The following CDH13 variants were observed in gnomAD, a reference collection of about 807,000 sequenced individuals.
CDH13 encodes cadherin 13.
A neutral mutation model predicts 63.8 loss-of-function variants in CDH13; 24 were observed. The ratio of observed to expected loss-of-function variants is 0.38; its 90% CI spans 0.27 to 0.53. The LOEUF (loss-of-function observed/expected upper bound fraction) is 0.53, where lower values mean the gene tolerates loss of function less well. Among genes scored for constraint, CDH13 ranks in the 20% least tolerant of loss-of-function variants. CDH13 has a pLI of 0.85. For missense variants in CDH13, 1,049 were observed against 903.1 expected, an observed-to-expected ratio of 1.16 and a Z score of -2.07; for synonymous variants, 503 against 355.3, an observed-to-expected ratio of 1.42 and a Z score of -4.67.
intron 1 of CDH13, among the ~76,000 whole-genome samples, chr16:82,846,170 G>A (rs2039247418): frequency 6.6e-6 from 1 of 152,154 alleles, no homozygotes; most frequent in Admixed American, 6.5e-5. Flanking sequence ...CTTCTGCGTG[G>A]AGCCTTTGTT....
chr16:82,739,252 A>G (rs2151050361), intron 1 of CDH13, among the ~76,000 whole-genome samples: 1 of 152,310 alleles, frequency 6.6e-6, no homozygotes, highest in East Asian at 1.9e-4. Flanking sequence ...TTTTCAGATG[A>G]TATGCCCTTA....
chr16:83,341,989 C>CA (rs2090733078), intron 5 of CDH13, among the ~76,000 whole-genome samples: 1 of 138,072 alleles, frequency 7.2e-6, no homozygotes, highest in Non-Finnish European at 1.6e-5. Flanking sequence ...GTGTCCCCTG[C>CA]CACACACACA....
chr16:83,511,912 A>G (rs931904482), intron 7 of CDH13, among the ~76,000 whole-genome samples: 2 of 152,176 alleles, frequency 1.3e-5, no homozygotes, highest in Non-Finnish European at 2.9e-5. Context: ...CATACCCTCG[A>G]AAGGGGCTCA....
At chr16:82,848,096 G>T (rs553008472) in intron 1 of CDH13, among the ~76,000 whole-genome samples, 2 of 152,296 alleles carry the variant, frequency 1.3e-5, no homozygotes, top group South Asian at 2.1e-4. Flanking sequence ...TGGAGGTTTT[G>T]TAACAATGAA....
chr16:82,828,232 C>T (rs1046082854), intron 1 of CDH13, among the ~76,000 whole-genome samples: 1 of 152,226 alleles, frequency 6.6e-6, no homozygotes, highest in Admixed American at 6.5e-5. Context: ...AGCATTGCCT[C>T]TGCCATGAAG....
At chr16:83,501,772 A>C (rs996532770) in intron 7 of CDH13, among the ~76,000 whole-genome samples, 2 of 152,216 alleles carry the variant, frequency 1.3e-5, no homozygotes, top group East Asian at 3.8e-4. Flanking sequence ...AAAGCACGGG[A>C]CATATTGATG....
At chr16:82,662,607 G>A (rs904665266) in intron 1 of CDH13, among the ~76,000 whole-genome samples, 1 of 152,198 alleles carries the variant, frequency 6.6e-6, no homozygotes. Context: ...GGCATACCCT[G>A]CTTTTCCTGA....
At chr16:83,706,920 G>C (rs1276024436) in intron 10 of CDH13, among the ~76,000 whole-genome samples, 2 of 88,368 alleles carry the variant, frequency 2.3e-5, no homozygotes, top group Non-Finnish European at 4.9e-5. Flanking sequence ...GGCCTGTCTT[G>C]AGTCGGACTC....
intron 4 of CDH13, among the ~76,000 whole-genome samples, chr16:83,145,703 A>C (rs1449179420): frequency 1.3e-5 from 2 of 152,182 alleles, no homozygotes; most frequent in Non-Finnish European, 2.9e-5. Context: ...TTCCTCATTC[A>C]GTCTCTCAAT....
At chr16:83,518,321 T>C (rs1211776869) in intron 7 of CDH13, among the ~76,000 whole-genome samples, 1 of 151,192 alleles carries the variant, frequency 6.6e-6, no homozygotes, top group Non-Finnish European at 1.5e-5. Context: ...TTTTTTTGTA[T>C]TTTTTAGTAG....
At chr16:83,785,799 T>C (rs1915840227) in intron 13 of CDH13, among the ~76,000 whole-genome samples, 1 of 152,166 alleles carries the variant, frequency 6.6e-6, no homozygotes, top group Non-Finnish European at 1.5e-5. Flanking sequence ...GAAGGGCAGC[T>C]TAGACATTTG....
chr16:83,255,332 A>G (rs997279956), intron 5 of CDH13, among the ~76,000 whole-genome samples: 1 of 152,178 alleles, frequency 6.6e-6, no homozygotes, highest in Admixed American at 6.5e-5. Flanking sequence ...GGTTTGAACT[A>G]CGGCTGGTTG....
rs541508735 is a variant in CDH13 at position 83,643,589 on chromosome 16, A to G, written c.1102-27201A>G. On this transcript the variant is annotated intron_variant, in intron 8 of 13. Coordinates refer to ENST00000567109, the MANE Select transcript of CDH13 (RefSeq NM_001257.5). ...TAATGTCTTTGTTGATGTTATTTTTATTGTTCCCCCTTCAGCTTATGCTAC... is the reference window on the plus strand; with the variant it reads ...TAATGTCTTTGTTGATGTTATTTTTGTTGTTCCCCCTTCAGCTTATGCTAC... Among the ~76,000 whole-genome samples, 7 of 152,016 alleles carry G rather than the reference A, an allele frequency of 4.6e-5. No individual in the cohort carries two copies. In the East Asian group the frequency reaches 1.4e-3, roughly 29 times the overall value.
rs976185083 is a variant in CDH13 at position 83,705,973 on chromosome 16, A to G, written c.1538+27512A>G. Among the ~76,000 whole-genome samples, 20 of 152,128 alleles carry G rather than the reference A, an allele frequency of 1.3e-4. No individual in the cohort carries two copies. The East Asian group carries it at 3.7e-3, about 28-fold the overall frequency. ...CCCCCATTCATGCATAACAAATCAC[A>G]CACAAACTTAGTGACTGGAAACAAC... On this transcript the variant is annotated intron_variant, in intron 10 of 13. Coordinates refer to ENST00000567109, the MANE Select transcript of CDH13 (RefSeq NM_001257.5).
chr16:83,562,268 T>A (rs1318168851), intron 7 of CDH13, among the ~76,000 whole-genome samples: 1 of 152,122 alleles, frequency 6.6e-6, no homozygotes, highest in Admixed American at 6.6e-5. Context: ...TGCATCAGGA[T>A]CCTTGTCAGA....
chr16:83,232,463 T>G (rs1025867720), intron 5 of CDH13, among the ~76,000 whole-genome samples: 15 of 150,818 alleles, frequency 9.9e-5, no homozygotes, highest in African/African-American at 3.7e-4. Flanking sequence ...AGGCAGAAGT[T>G]GCAGTGAGCC....
At chr16:82,962,818 G>A (rs781040120) in intron 2 of CDH13, among the ~76,000 whole-genome samples, 2 of 152,146 alleles carry the variant, frequency 1.3e-5, no homozygotes, top group African/African-American at 2.4e-5. Context: ...AAAGCAAGAC[G>A]TGTGAAATAG....
At chr16:82,681,562 TACTC>T (rs1914547031) in intron 1 of CDH13, among the ~76,000 whole-genome samples, 1 of 152,254 alleles carries the variant, frequency 6.6e-6, no homozygotes, top group Non-Finnish European at 1.5e-5. Context: ...GTTTGCCTCT[TACTC>T]ATTTTCTGAG....
chr16:83,298,948 T>G (rs1354642131), intron 5 of CDH13, among the ~76,000 whole-genome samples: 1 of 152,240 alleles, frequency 6.6e-6, no homozygotes, highest in Non-Finnish European at 1.5e-5. Context: ...TTTTACTGTT[T>G]CTGAGTGTAA....
Sources: gnomAD v4.1 joint callset for allele counts (sites outside exome capture counted in the v4.1 genomes callset) on GRCh38, gnomAD v4.1.1 for gene constraint, MANE v1.5 for transcripts, NCBI Gene and HGNC (gene_info 2026-07-23, HGNC 2026-07-21) for gene names.